The following RBFOX2 variants were observed in gnomAD, a reference collection of about 807,000 sequenced individuals.
RBFOX2 encodes the protein RNA binding protein fox-1 homolog 2.
Under a neutral mutation model 49.1 loss-of-function variants are expected in RBFOX2, and 10 were observed. The ratio of observed to expected loss-of-function variants is 0.20; its 90% confidence interval spans 0.13 to 0.35. RBFOX2 has a LOEUF of 0.35. RBFOX2 is among the 10% of genes least tolerant of loss of function. The pLI, the probability that RBFOX2 is intolerant of heterozygous loss-of-function variation, is 1.00. For missense variants in RBFOX2, 323 were observed against 486.9 expected, an observed-to-expected ratio of 0.66 and a Z score of 3.17; for synonymous variants, 183 against 187.4, an observed-to-expected ratio of 0.98 and a Z score of 0.19.
intron 1 of RBFOX2, among the ~76,000 whole-genome samples, chr22:35,849,863 T>C (rs1359043957): frequency 1.3e-5 from 2 of 152,158 alleles, no homozygotes; most frequent in Non-Finnish European, 2.9e-5. Context: ...CAAAAAGCTT[T>C]GAGTTACTAG....
intron 1 of RBFOX2, among the ~76,000 whole-genome samples, chr22:35,953,200 G>C (rs1315794859): frequency 8.6e-6 from 1 of 116,928 alleles, no homozygotes; most frequent in Non-Finnish European, 1.6e-5. Flanking sequence ...GACAGAGTGG[G>C]ACTCCATCTC....
chr22:35,992,781 G>T (rs2150116475), intron 1 of RBFOX2: 1 of 152,258 alleles, frequency 6.6e-6, no homozygotes, highest in East Asian at 1.9e-4. Flanking sequence ...ACAGCTACAA[G>T]ATGAAGGTTA....
intron 1 of RBFOX2, among the ~76,000 whole-genome samples, chr22:35,926,289 A>G (rs1485550615): frequency 6.6e-6 from 1 of 152,222 alleles, no homozygotes; most frequent in African/African-American, 2.4e-5. Flanking sequence ...GAATATCCCT[A>G]CTAACTACTT....
intron 1 of RBFOX2, among the ~76,000 whole-genome samples, chr22:35,974,384 G>A (rs930543952): frequency 2.6e-5 from 4 of 152,294 alleles, no homozygotes; most frequent in South Asian, 2.1e-4. Flanking sequence ...GCCACTGGGT[G>A]TAATTAAAAA....
intron 1 of RBFOX2, among the ~76,000 whole-genome samples, chr22:35,857,704 T>G (rs187018119): frequency 6.6e-6 from 1 of 152,162 alleles, no homozygotes; most frequent in East Asian, 1.9e-4. Flanking sequence ...ACATCAACCA[T>G]GTACTCCAAA....
chr22:35,808,221 T>C (rs1951128377), intron 2 of RBFOX2, among the ~76,000 whole-genome samples: 1 of 152,210 alleles, frequency 6.6e-6, no homozygotes, highest in Admixed American at 6.5e-5. Flanking sequence ...AGCCTGTACG[T>C]TTATGATTCT....
chr22:35,967,406 C>G (rs1476461119), intron 1 of RBFOX2, among the ~76,000 whole-genome samples: 1 of 150,722 alleles, frequency 6.6e-6, no homozygotes, highest in East Asian at 1.9e-4. Context: ...AAAAAAATAC[C>G]CTACCAAAAA....
intron 6 of RBFOX2, among the ~76,000 whole-genome samples, 197 bp downstream of exon 7, chr22:35,765,226 C>G (rs1174509846): frequency 6.6e-6 from 1 of 150,946 alleles, no homozygotes; most frequent in Admixed American, 6.6e-5. Flanking sequence ...GAACATAACA[C>G]CTTAATAACT....
intron 1 of RBFOX2, among the ~76,000 whole-genome samples, chr22:35,865,469 G>C (rs988117660): frequency 6.6e-6 from 1 of 152,068 alleles, no homozygotes; most frequent in Non-Finnish European, 1.5e-5. Context: ...TACCTACACA[G>C]GTCCAAAAAC....
chr22:36,026,627 A>C (rs1202410822), intron 1 of RBFOX2, among the ~76,000 whole-genome samples: 2 of 151,950 alleles, frequency 1.3e-5, no homozygotes, highest in East Asian at 3.9e-4. Flanking sequence ...CTTATCATCC[A>C]ATATTAGCTC....
intron 2 of RBFOX2, among the ~76,000 whole-genome samples, chr22:35,788,887 C>T (rs1000703114): frequency 1.3e-5 from 2 of 152,136 alleles, no homozygotes; most frequent in African/African-American, 4.8e-5. Flanking sequence ...ATGATTCTCA[C>T]GCTACACATT....
intron 1 of RBFOX2, among the ~76,000 whole-genome samples, chr22:35,986,859 C>T (rs1370932476): frequency 6.6e-6 from 1 of 152,090 alleles, no homozygotes; most frequent in African/African-American, 2.4e-5. Context: ...TTTTTAGACA[C>T]CAGCCAATTC....
chr22:35,927,544 C>T (rs1021663285), intron 1 of RBFOX2, among the ~76,000 whole-genome samples: 3 of 132,160 alleles, frequency 2.3e-5, no homozygotes, highest in Admixed American at 9.3e-5. Flanking sequence ...GTGGAGGTTG[C>T]GGTGAGCCAA....
chr22:35,883,764 G>A (rs2046225626), intron 1 of RBFOX2, among the ~76,000 whole-genome samples: 1 of 152,166 alleles, frequency 6.6e-6, no homozygotes, highest in Non-Finnish European at 1.5e-5. Context: ...AACTATAAAT[G>A]ATAGTGTTGC....
chr22:35,947,672 T>TAAAAAAAAAAAAAAAAAAAAAAAA (rs559788717), intron 1 of RBFOX2, among the ~76,000 whole-genome samples: 1 of 34,124 alleles, frequency 2.9e-5, no homozygotes, highest in African/African-American at 1.2e-4. Flanking sequence ...GTTTAAAAAG[T>TAAAAAAAAAAAAAAAAAAAAAAAA]AAAAAAAAAA....
chr22:35,897,554 C>CT, intron 1 of RBFOX2: 11 of 877,448 alleles, frequency 1.3e-5, no homozygotes, highest in Non-Finnish European at 2.0e-5. Flanking sequence ...TTGCTGTGAG[C>CT]CACAGCAAAG....
chr22:35,873,640 T>C (rs1181015759), intron 1 of RBFOX2, among the ~76,000 whole-genome samples: 1 of 152,176 alleles, frequency 6.6e-6, no homozygotes, highest in Non-Finnish European at 1.5e-5. Flanking sequence ...CTGTAGTTTG[T>C]TGTTGATATT....
At chr22:35,942,982 T>C (rs547543630), upstream of RBFOX2, among the ~76,000 whole-genome samples, 23 of 152,338 alleles carry the variant, frequency 1.5e-4, no homozygotes, top group Non-Finnish European at 2.9e-4. Flanking sequence ...ACAAGTTTTA[T>C]AAATGTCATT....
intron 1 of RBFOX2, among the ~76,000 whole-genome samples, chr22:35,871,017 CCCACT>C (rs1382316247): frequency 3.3e-5 from 5 of 151,692 alleles, no homozygotes; most frequent in African/African-American, 1.2e-4. Context: ...TTTGAAACTG[CCCACT>C]TAAAAGGTTT....
Sources: allele counts gnomAD v4.1 joint callset (sites outside exome capture counted in the v4.1 genomes callset), GRCh38; gene constraint gnomAD v4.1.1; transcripts MANE v1.5; gene names NCBI Gene and HGNC (gene_info 2026-07-23, HGNC 2026-07-21).